The following CTNNA2 variants were observed in gnomAD, a reference collection of about 807,000 sequenced individuals.
CTNNA2 encodes the protein catenin alpha-2.
CTNNA2 carries 42 observed loss-of-function variants against 101.0 expected under a neutral mutation model. The ratio of observed to expected loss-of-function variants is 0.42; its 90% CI spans 0.32 to 0.54. The LOEUF is 0.54. Among genes scored for constraint, CTNNA2 ranks in the 20% least tolerant of loss-of-function variants. The pLI is 0.14. For missense variants in CTNNA2, 871 were observed against 1,223.1 expected, an observed-to-expected ratio of 0.71 and a Z score of 4.29; for synonymous variants, 450 against 456.4, an observed-to-expected ratio of 0.99 and a Z score of 0.18.
intron 18 of CTNNA2, among the ~76,000 whole-genome samples, chr2:80,626,362 C>G (rs1671683517): frequency 6.6e-6 from 1 of 151,978 alleles, no homozygotes. Context: ...TAGTGTTCCA[C>G]CTTTCCAATT....
chr2:80,543,703 C>A (rs1290169748), intron 9 of CTNNA2, among the ~76,000 whole-genome samples: 1 of 152,176 alleles, frequency 6.6e-6, no homozygotes, highest in Non-Finnish European at 1.5e-5. Flanking sequence ...GTACTCTTCT[C>A]ACTATGTCAT....
intron 1 of CTNNA2, among the ~76,000 whole-genome samples, chr2:79,197,184 C>T (rs899171918): frequency 2.0e-5 from 3 of 152,058 alleles, no homozygotes; most frequent in Non-Finnish European, 2.9e-5. Flanking sequence ...AAAGAGCACC[C>T]GAATTAGAAC....
At chr2:80,008,729 A>G (rs1225666340) in intron 7 of CTNNA2, among the ~76,000 whole-genome samples, 1 of 152,154 alleles carries the variant, frequency 6.6e-6, no homozygotes, top group Non-Finnish European at 1.5e-5. Context: ...CAGCTTTGCC[A>G]CCTGTAGAAT....
At position 80,060,295 on chromosome 2, in the gene CTNNA2, A is replaced by G. The variant is rs145801665; in HGVS notation, c.1056+150498A>G. Among the ~76,000 whole-genome samples the G allele has an allele frequency of 2.5e-3, 381 of 152,316 alleles. 2 individuals are homozygous for G. Among genetic ancestry groups the G allele is most frequent in the African/African-American group, 8.5e-3 (352 of 41,572 alleles). On this transcript the variant is annotated intron_variant, in intron 7 of 18. Coordinates refer to ENST00000402739, the MANE Select transcript of CTNNA2 (RefSeq NM_001282597.3). ...GTCTGCATTAAACTGGGCTCTCACC[A>G]TAGATGGCTAAAGGCGGACACAGCT...
chr2:80,480,864 T>A (rs1485709851), intron 9 of CTNNA2, among the ~76,000 whole-genome samples: 1 of 152,078 alleles, frequency 6.6e-6, no homozygotes, highest in African/African-American at 2.4e-5. Flanking sequence ...AATAAATGTG[T>A]AGGAAAGCAC....
chr2:79,633,767 C>A (rs1679844517), intron 1 of CTNNA2: 1 of 152,176 alleles, frequency 6.6e-6, no homozygotes, highest in African/African-American at 2.4e-5. Context: ...GACCAGCATT[C>A]TACCCACTGA....
chr2:80,087,644 C>A (rs1019996208), intron 7 of CTNNA2, among the ~76,000 whole-genome samples: 1 of 152,036 alleles, frequency 6.6e-6, no homozygotes. Flanking sequence ...TCTAAGGTAG[C>A]ACTTCTCAAA....
chr2:79,596,383 T>G (rs114902700), intron 1 of CTNNA2, among the ~76,000 whole-genome samples: 1 of 152,152 alleles, frequency 6.6e-6, no homozygotes, highest in African/African-American at 2.4e-5. Context: ...GCCCAAATGT[T>G]ATAATATATA....
chr2:80,145,665 T>C (rs1249706754), intron 7 of CTNNA2, among the ~76,000 whole-genome samples: 1 of 152,226 alleles, frequency 6.6e-6, no homozygotes, highest in Admixed American at 6.5e-5. Context: ...AGTTGGGACA[T>C]CTTGTTTCAG....
At chr2:79,850,300 C>CTCTCT (rs150922303) in intron 3 of CTNNA2, among the ~76,000 whole-genome samples, 3 of 57,194 alleles carry the variant, frequency 5.2e-5, no homozygotes, top group South Asian at 9.8e-4. Flanking sequence ...CCCTCCCTCC[C>CTCTCT]CCCTCCCTTC....
intron 1 of CTNNA2, among the ~76,000 whole-genome samples, chr2:79,634,199 A>G (rs2104376844): frequency 6.6e-6 from 1 of 152,294 alleles, no homozygotes; most frequent in African/African-American, 2.4e-5. Context: ...GAATTACATC[A>G]TGGTATTCCT....
At chr2:79,645,018 T>TC (rs1680712180) in intron 1 of CTNNA2, among the ~76,000 whole-genome samples, 1 of 152,074 alleles carries the variant, frequency 6.6e-6, no homozygotes, top group Non-Finnish European at 1.5e-5. Flanking sequence ...GGTTTTACTC[T>TC]AACATCCAGA....
chr2:80,286,416 C>A (rs1300614714), intron 7 of CTNNA2, among the ~76,000 whole-genome samples: 1 of 152,038 alleles, frequency 6.6e-6, no homozygotes, highest in African/African-American at 2.4e-5. Context: ...GAGTTGTTTT[C>A]TCACTAACTC....
At chr2:80,092,660 G>A (rs922076507) in intron 7 of CTNNA2, among the ~76,000 whole-genome samples, 2 of 151,980 alleles carry the variant, frequency 1.3e-5, no homozygotes, top group African/African-American at 2.4e-5. Context: ...CAAGATCATT[G>A]CCATGGTTAC....
intron 2 of CTNNA2, among the ~76,000 whole-genome samples, chr2:79,275,397 C>T (rs1374395343): frequency 6.6e-6 from 1 of 151,964 alleles, no homozygotes; most frequent in East Asian, 1.9e-4. Flanking sequence ...CTCACTAGGG[C>T]CCCCTAGGAA....
At chr2:80,511,822 A>T (rs2149553151) in intron 9 of CTNNA2, among the ~76,000 whole-genome samples, 1 of 152,258 alleles carries the variant, frequency 6.6e-6, no homozygotes, top group East Asian at 1.9e-4. Flanking sequence ...CATCTCCTAT[A>T]GTCTAGAATG....
rs568947875 is a variant in CTNNA2, at chr2:79,435,718, C to T, written c.-135+61705C>T. Reference sequence around the variant, plus strand: ...GACAACAAATGCAGCAAGAAGCTGGCGTCTGGGGCAGCACCCAGCAAGTAT... The same window carrying T: ...GACAACAAATGCAGCAAGAAGCTGGTGTCTGGGGCAGCACCCAGCAAGTAT... On this transcript the variant is annotated intron_variant, in intron 4 of 21. Transcript: ENST00000466387. Among the ~76,000 whole-genome samples the T allele has an allele frequency of 2.6e-5, 4 of 152,248 alleles. No homozygotes were observed. The East Asian group carries it at 5.8e-4, about 22-fold the overall frequency.
intron 1 of CTNNA2, among the ~76,000 whole-genome samples, chr2:79,609,669 A>G (rs1285028631): frequency 1.3e-5 from 2 of 152,160 alleles, no homozygotes; most frequent in Non-Finnish European, 2.9e-5. Context: ...ATCTTTGAGA[A>G]AGGTGCAAAG....
At chr2:80,647,140 CA>C (rs1400968702) in intron 18 of CTNNA2, among the ~76,000 whole-genome samples, 5 of 151,996 alleles carry the variant, frequency 3.3e-5, no homozygotes, top group African/African-American at 1.2e-4. Context: ...CAAGAACACC[CA>C]TGGATTGTTC....
Sources: gnomAD v4.1 joint callset for allele counts (sites outside exome capture counted in the v4.1 genomes callset) on GRCh38, gnomAD v4.1.1 for gene constraint, MANE v1.5 for transcripts, NCBI Gene and HGNC (gene_info 2026-07-23, HGNC 2026-07-21) for gene names.